The following PINX1 variants were observed in gnomAD, a reference collection of about 807,000 sequenced individuals.
PINX1 encodes PIN2 (TERF1) interacting telomerase inhibitor 1.
A neutral mutation model predicts 25.4 loss-of-function variants in PINX1; 34 were observed. That is an observed-to-expected ratio of 1.34 (90% CI 1.02 to 1.78). PINX1 has a LOEUF of 1.78. Among genes scored for constraint, PINX1 ranks in the 40% most tolerant of loss-of-function variants. The pLI is 0.00. For missense variants in PINX1, 592 were observed against 404.9 expected (o/e 1.46, Z -3.97); for synonymous variants, 197 against 147.7 (o/e 1.33, Z -2.42).
chr8:10,775,729 T>G (rs1167828337), intron 6 of PINX1, among the ~76,000 whole-genome samples: 1 of 152,334 alleles, frequency 6.6e-6, no homozygotes, highest in South Asian at 2.1e-4. Flanking sequence ...GTCAGAAGAT[T>G]GGAAGCACAA....
intron 6 of PINX1, among the ~76,000 whole-genome samples, chr8:10,814,499 T>C (rs1305657876): frequency 1.3e-5 from 2 of 152,192 alleles, no homozygotes; most frequent in African/African-American, 4.8e-5. Flanking sequence ...TAGAGTGAAA[T>C]GCAAGGTCTG....
intron 6 of PINX1, among the ~76,000 whole-genome samples, chr8:10,775,077 ACT>A (rs1801345824): frequency 6.6e-6 from 1 of 152,214 alleles, no homozygotes; most frequent in Non-Finnish European, 1.5e-5. Flanking sequence ...AACCAGTTAC[ACT>A]GAGACTGTAA....
chr8:10,789,968 A>AC (rs1336223033), intron 6 of PINX1, among the ~76,000 whole-genome samples: 2 of 152,210 alleles, frequency 1.3e-5, no homozygotes, highest in African/African-American at 4.8e-5. Flanking sequence ...AAAAAACCCT[A>AC]CAAGCCTAGG....
At chr8:10,834,912 C>T in intron 1 of PINX1, 137 bp from the exon 2 acceptor site, 2 of 619,180 alleles carry the variant, frequency 3.2e-6, no homozygotes, top group Non-Finnish European at 5.7e-6. Flanking sequence ...GAAATTAATT[C>T]AACACTCAAC....
chr8:10,778,484 T>C (rs1452112562), intron 6 of PINX1, among the ~76,000 whole-genome samples: 1 of 152,246 alleles, frequency 6.6e-6, no homozygotes, highest in East Asian at 1.9e-4. Context: ...GTATCTCCTG[T>C]AGGGTTCAAG....
At chr8:10,808,207 A>T (rs1802516664) in intron 6 of PINX1, among the ~76,000 whole-genome samples, 1 of 152,266 alleles carries the variant, frequency 6.6e-6, no homozygotes. Flanking sequence ...AGTGGTGTAA[A>T]GGCCCAGATC....
chr8:10,824,835 C>G (rs1254480324), intron 5 of PINX1, among the ~76,000 whole-genome samples: 1 of 152,210 alleles, frequency 6.6e-6, no homozygotes, highest in South Asian at 2.1e-4. Flanking sequence ...TAGTTTTTCT[C>G]TACAGTCTAA....
At chr8:10,811,980 T>C (rs187107350) in intron 6 of PINX1, among the ~76,000 whole-genome samples, 40 of 152,268 alleles carry the variant, frequency 2.6e-4, no homozygotes, top group Non-Finnish European at 4.7e-4. Context: ...TGAGGCCATC[T>C]TTGGAAAACA....
chr8:10,775,410 G>GTTTTGTT (rs1801357586), intron 6 of PINX1, among the ~76,000 whole-genome samples: 1 of 109,594 alleles, frequency 9.1e-6, no homozygotes, highest in Admixed American at 1.0e-4. Context: ...CTGTTTTGTG[G>GTTTTGTT]TTTTTTTTTT....
At chr8:10,827,898 G>C (rs567284268) in intron 4 of PINX1, among the ~76,000 whole-genome samples, 98 of 130,738 alleles carry the variant, frequency 7.5e-4, no homozygotes, top group Non-Finnish European at 1.2e-3. Context: ...GTGACAGAGC[G>C]AGACTCCATC....
At position 10,765,870 on chromosome 8, in the gene PINX1, G is replaced by T. The variant is rs1473799439; in HGVS notation, c.518C>A (p.Thr173Asn). The T allele has an allele frequency of 6.2e-7, 1 of 1,613,888 alleles. No homozygotes were observed. The highest frequency in any genetic ancestry group is 8.5e-7 in the Non-Finnish European group (1 of 1,179,884). ...GTACTCCTGGATGGTGAAGGCGCTG[G>T]TTGTCGTGGTTTCGTTCTCCTCTGG... The part of the protein sequence containing the change: ...STPEENETTT[T>N]SAFTIQEYFA... The change falls in exon 7 of 7, where the codon ACC (threonine) becomes AAC (asparagine). Residue 173 changes from threonine (T) to asparagine (N), a missense_variant. Transcript: ENST00000314787.
intron 1 of PINX1, among the ~76,000 whole-genome samples, chr8:10,836,840 A>C (rs1798420993): frequency 6.6e-6 from 1 of 152,174 alleles, no homozygotes; most frequent in Non-Finnish European, 1.5e-5. Flanking sequence ...CCCAGACTTC[A>C]CTTGACCAGA....
intron 6 of PINX1, among the ~76,000 whole-genome samples, chr8:10,798,858 G>A (rs1264747865): frequency 6.6e-6 from 1 of 152,152 alleles, no homozygotes; most frequent in Non-Finnish European, 1.5e-5. Flanking sequence ...AAGTCCACCG[G>A]GTGATTCTGC....
At chr8:10,826,036 C>G in intron 5 of PINX1, 116 bp downstream of exon 5, 1 of 603,886 alleles carries the variant, frequency 1.7e-6, no homozygotes. Flanking sequence ...CACAGCAATG[C>G]AGTCGGAGCT....
intron 6 of PINX1, among the ~76,000 whole-genome samples, chr8:10,776,595 G>C (rs960478091): frequency 6.6e-6 from 1 of 152,082 alleles, no homozygotes; most frequent in Non-Finnish European, 1.5e-5. Context: ...TGGTAACACA[G>C]AATCAAAACT....
At chr8:10,774,967 A>T (rs189367160) in intron 6 of PINX1, among the ~76,000 whole-genome samples, 2,315 of 152,062 alleles carry the variant, frequency 0.015, 72 homozygotes, top group African/African-American at 0.053. Flanking sequence ...TTATCACAAT[A>T]AAAAAAAGGC....
At chr8:10,834,456 G>A in intron 2 of PINX1, 1 of 657,690 alleles carries the variant, frequency 1.5e-6, no homozygotes, top group Admixed American at 3.3e-5. Context: ...TATGAAAGAT[G>A]CTAAGCATGG....
At chr8:10,820,136 C>T in intron 6 of PINX1, 57 bp downstream of exon 6, 2 of 1,101,324 alleles carry the variant, frequency 1.8e-6, no homozygotes, top group Admixed American at 1.8e-5. Flanking sequence ...GTCCTATACA[C>T]AGGTGAAAAT....
chr8:10,825,232 T>A (rs1586200603), intron 5 of PINX1: 7 of 439,060 alleles, frequency 1.6e-5, no homozygotes, highest in South Asian at 1.2e-4. Flanking sequence ...AGGCTGGCTG[T>A]ACAAGTTAAG....
Sources: allele counts gnomAD v4.1 joint callset (sites outside exome capture counted in the v4.1 genomes callset), GRCh38; gene constraint gnomAD v4.1.1; transcripts MANE v1.5; gene names NCBI Gene and HGNC (gene_info 2026-07-23, HGNC 2026-07-21).